KLRC1: variants seen among roughly 807,000 people sequenced by gnomAD.
The protein encoded by KLRC1 is killer cell lectin like receptor C1, also known as NKG2-A/NKG2-B type II integral membrane protein.
A neutral mutation model predicts 25.9 loss-of-function variants in KLRC1; 22 were observed. That is an observed-to-expected ratio of 0.85 (90% CI 0.61 to 1.21). The LOEUF (loss-of-function observed/expected upper bound fraction) is 1.21. KLRC1 is among the 50% of genes most tolerant of loss of function. The pLI is 0.00. For synonymous variants in KLRC1, 77 were observed against 93.1 expected, an observed-to-expected ratio of 0.83 and a Z score of 0.99; for missense variants, 240 against 272.2, an observed-to-expected ratio of 0.88 and a Z score of 0.83.
intron 6 of KLRC1, among the ~76,000 whole-genome samples, 183 bp from the exon 7 acceptor site, chr12:10,446,845 T>C (rs1007364253): frequency 1.3e-5 from 2 of 152,206 alleles, no homozygotes; most frequent in Non-Finnish European, 2.9e-5. Flanking sequence ...CCACGAGGGA[T>C]ATGTTTCAAG....
intron 5 of KLRC1, among the ~76,000 whole-genome samples, chr12:10,448,720 A>T (rs1864051777): frequency 6.6e-6 from 1 of 152,244 alleles, no homozygotes; most frequent in Non-Finnish European, 1.5e-5. Context: ...CATAAATATC[A>T]GATAGGAGTG....
At chr12:10,448,351 G>A (rs561748165) in intron 5 of KLRC1, among the ~76,000 whole-genome samples, 73 of 152,298 alleles carry the variant, frequency 4.8e-4, no homozygotes, top group African/African-American at 1.7e-3. Flanking sequence ...CTGGCAATAG[G>A]AGGAGGCCCA....
chr12:10,443,352 T>G (rs1255605185), downstream of KLRC1, among the ~76,000 whole-genome samples: 1 of 140,198 alleles, frequency 7.1e-6, no homozygotes, highest in Non-Finnish European at 1.6e-5. Context: ...TTTAACAACA[T>G]ATACCATGCC....
At position 10,446,598 on chromosome 12, in the gene KLRC1, C is replaced by T. The variant is rs778651698; in HGVS notation, c.655G>A (p.Ala219Thr). The stretch of plus-strand genomic sequence containing the variant: ...TATATTATTGAAGATCCACACTGGG[C>T]TGATTTAAGTCGATTTACTTGTAGC... ...AVLQVNRLKS[A>T]QCGSSIIYHC... The change falls in exon 7 of 7, where the codon GCC becomes ACC. Residue 219 changes from alanine (A) to threonine (T), a missense_variant. Physicochemically the swap from Ala to Thr is moderately conservative, Grantham distance 58. Transcript: ENST00000359151. 2 of 1,613,920 alleles carry T rather than the reference C, an allele frequency of 1.2e-6. No homozygotes were observed. Among genetic ancestry groups the T allele is most frequent in the Non-Finnish European group, 1.7e-6 (2 of 1,179,908 alleles).
Position 10,447,548 on chromosome 12 carries a change from A to G in KLRC1, c.574T>C (p.Leu192=). The change falls in exon 6 of 7, where the codon TTG becomes CTG. Residue 192 remains leucine, a synonymous_variant. Coordinates refer to ENST00000359151, the MANE Select transcript of KLRC1 (RefSeq NM_002259.5). ...SHHPWVTMNG[L]AFKHEIKDSD... The stretch of plus-strand genomic sequence containing the variant: ...ACAACTTACTCATGTTTGAAAGCCA[A>G]ACCATTCATTGTCACCCATGGATGA... 6.2e-7 allele frequency: 1 copy of G among 1,609,732 alleles called. No homozygotes were observed. The highest frequency in any genetic ancestry group is 8.5e-7 in the Non-Finnish European group (1 of 1,177,644).
intron 1 of KLRC1, among the ~76,000 whole-genome samples, chr12:10,452,239 A>G (rs556350891): frequency 6.6e-6 from 1 of 152,256 alleles, no homozygotes; most frequent in Non-Finnish European, 1.5e-5. Flanking sequence ...AAGTATAGGT[A>G]ATTCATGTTA....
downstream of KLRC1, among the ~76,000 whole-genome samples, chr12:10,445,697 A>G (rs1360899940): frequency 6.6e-6 from 1 of 152,202 alleles, no homozygotes; most frequent in East Asian, 1.9e-4. Flanking sequence ...AATAGTTGAC[A>G]TAATAGATTT....
chr12:10,448,588 G>A (rs1424550292), intron 5 of KLRC1, among the ~76,000 whole-genome samples: 1 of 152,116 alleles, frequency 6.6e-6, no homozygotes, highest in Non-Finnish European at 1.5e-5. Context: ...TGTCCCTGAG[G>A]GCATGAGACT....
At chr12:10,445,881 C>G (rs1349586275), downstream of KLRC1, 1 of 151,854 alleles carries the variant, frequency 6.6e-6, no homozygotes, top group African/African-American at 2.4e-5. Context: ...CCCCAAAATA[C>G]AAAATACAAT....
rs372070161 is a variant in KLRC1 at position 10,449,320 on chromosome 12, C to A, written c.406G>T (p.Glu136Ter). 1.9e-6 allele frequency: 3 copies of A among 1,613,844 alleles called. No individual in the cohort carries two copies. The highest frequency in any genetic ancestry group is 2.5e-6 in the Non-Finnish European group (3 of 1,179,914). ...AAACTCTCTTCCCAAGTTCTTCTTTCCTTACCAATGTAGTAACAACTGTTG... is the reference window on the plus strand; with the variant it reads ...AAACTCTCTTCCCAAGTTCTTCTTTACTTACCAATGTAGTAACAACTGTTG... ...YSNSCYYIGK[E>*]RRTWEESLLA... Residue 136 changes from glutamate (E) to a stop codon, truncating the protein, a stop_gained, in exon 5 of 7, where the codon GAA becomes TAA. Transcript: ENST00000359151. LOFTEE classifies it high-confidence loss of function.
rs1864085177 is a variant in KLRC1 at position 10,449,905 on chromosome 12, A to C, written c.337+9T>G. The C allele has an allele frequency of 1.4e-6, 2 of 1,460,472 alleles. No individual in the cohort carries two copies. Among genetic ancestry groups the C allele is most frequent in the Admixed American group, 2.4e-5 (1 of 41,316 alleles). The allele number at this position is 1,460,472 out of a possible 1,614,324, so 90.5% of individuals were successfully genotyped here. A position where few individuals can be genotyped will look rare whatever the true frequency, so the allele number is the denominator to read the frequency against. On this transcript the variant is annotated intron_variant, in intron 4 of 6. Transcript: ENST00000359151. ...GTACAATATTAAAACTTTAAAAATT[A>C]TTATATACCTTTCTGAGTTCTTGTA...
At chr12:10,449,093 T>G in intron 5 of KLRC1, 144 bp downstream of exon 5, 1 of 1,101,096 alleles carries the variant, frequency 9.1e-7, no homozygotes, top group South Asian at 1.6e-5. Context: ...TTTTAAAACA[T>G]TATTAAGTCA....
Position 10,446,333 on chromosome 12 carries a change from A to C in KLRC1, c.*218T>G. ...TAACATGCAACTTTTAGAAAGGCTGAAAACCACAAATACCATGTTGAGCAA... is the reference window on the plus strand; with the variant it reads ...TAACATGCAACTTTTAGAAAGGCTGCAAACCACAAATACCATGTTGAGCAA... On this transcript the variant is annotated 3_prime_UTR_variant, in exon 7 of 7. Transcript: ENST00000359151. 3.9e-6 allele frequency: 5 copies of C among 1,275,054 alleles called. No individual in the cohort carries two copies. The highest frequency in any genetic ancestry group is 5.0e-6 in the Non-Finnish European group (5 of 996,968). The allele number at this position is 1,275,054 out of a possible 1,614,324, so 79.0% of individuals were successfully genotyped here.
chr12:10,454,284 A>G (rs1864173661), upstream of KLRC1: 1 of 152,212 alleles, frequency 6.6e-6, no homozygotes, highest in Non-Finnish European at 1.5e-5. Context: ...CCCAAGACCT[A>G]GGAAGGTTGT....
At chr12:10,444,749 G>T (rs973449492), downstream of KLRC1, among the ~76,000 whole-genome samples, 3 of 151,880 alleles carry the variant, frequency 2.0e-5, no homozygotes, top group African/African-American at 4.8e-5. Context: ...AAAGCAGTAC[G>T]CTCAATAAAT....
At chr12:10,444,173 C>T (rs1307143678), downstream of KLRC1, among the ~76,000 whole-genome samples, 1 of 140,202 alleles carries the variant, frequency 7.1e-6, no homozygotes, top group Non-Finnish European at 1.6e-5. Context: ...AATTAAATAA[C>T]CATTGAATGC....
intron 6 of KLRC1, among the ~76,000 whole-genome samples, chr12:10,446,990 A>C (rs1243824089): frequency 1.3e-5 from 2 of 152,240 alleles, no homozygotes; most frequent in African/African-American, 4.8e-5. Flanking sequence ...ATAACTACTA[A>C]TAACAAAATT....
downstream of KLRC1, among the ~76,000 whole-genome samples, chr12:10,443,575 T>G (rs2137882344): frequency 1.4e-5 from 2 of 142,036 alleles, 1 homozygote; most frequent in Non-Finnish European, 3.1e-5. Context: ...AATGGGATTT[T>G]AAACCCTTTT....
downstream of KLRC1, among the ~76,000 whole-genome samples, chr12:10,444,674 A>G (rs1021414760): frequency 1.3e-5 from 2 of 152,168 alleles, no homozygotes; most frequent in African/African-American, 2.4e-5. Context: ...TTAGACATAA[A>G]CTTTCCTAGA....
Sources: gnomAD v4.1 joint callset for allele counts (sites outside exome capture counted in the v4.1 genomes callset) on GRCh38, gnomAD v4.1.1 for gene constraint, MANE v1.5 for transcripts, NCBI Gene and HGNC (gene_info 2026-07-23, HGNC 2026-07-21) for gene names.